Variants in GRIK2 observed in about 807,000 individuals in gnomAD.
The protein encoded by GRIK2 is glutamate ionotropic receptor kainate type subunit 2, also known as glutamate receptor ionotropic, kainate 2.
GRIK2 carries 32 observed loss-of-function variants against 100.3 expected under a neutral mutation model. That is an observed-to-expected ratio of 0.32 (90% CI 0.24 to 0.43). The LOEUF is 0.43. GRIK2 is among the 20% of genes least tolerant of loss of function. The pLI is 1.00. For missense variants in GRIK2, 843 were observed against 1,114.9 expected, an observed-to-expected ratio of 0.76 and a Z score of 3.47; for synonymous variants, 417 against 389.4, an observed-to-expected ratio of 1.07 and a Z score of -0.83.
At chr6:101,755,448 T>C (rs1263326884) in intron 7 of GRIK2, among the ~76,000 whole-genome samples, 2 of 152,156 alleles carry the variant, frequency 1.3e-5, no homozygotes, top group East Asian at 3.9e-4. Context: ...ATTATAGGCA[T>C]GAGCCACCGT....
chr6:101,595,688 G>A (rs1582793442), intron 2 of GRIK2, among the ~76,000 whole-genome samples: 3 of 130,840 alleles, frequency 2.3e-5, no homozygotes, highest in African/African-American at 5.9e-5. Context: ...ATTTGTGCAT[G>A]TATATATATA....
intron 7 of GRIK2, among the ~76,000 whole-genome samples, chr6:101,754,715 A>G (rs1020390249): frequency 6.6e-6 from 1 of 152,212 alleles, no homozygotes; most frequent in African/African-American, 2.4e-5. Context: ...CTGGATGATC[A>G]GGGAGGTGCA....
chr6:102,064,556 T>G (rs2114534166), intron 16 of GRIK2, among the ~76,000 whole-genome samples: 1 of 150,986 alleles, frequency 6.6e-6, no homozygotes, highest in South Asian at 2.1e-4. Flanking sequence ...TTTTGAGACT[T>G]ATTTCATAGT....
intron 7 of GRIK2, among the ~76,000 whole-genome samples, chr6:101,738,266 C>CAATTGTAATTGTAATTGTCAATTGT (rs1335025167): frequency 7.2e-6 from 1 of 137,978 alleles, no homozygotes; most frequent in Non-Finnish European, 1.5e-5. Flanking sequence ...TGTCAAATGT[C>CAATTGTAATTGTAATTGTCAATTGT]AATTGTAATT....
At chr6:101,474,824 A>C (rs1432820258) in intron 2 of GRIK2, among the ~76,000 whole-genome samples, 2 of 151,894 alleles carry the variant, frequency 1.3e-5, no homozygotes, top group South Asian at 4.1e-4. Context: ...ATTTGATTAC[A>C]TACCATAGTT....
intron 2 of GRIK2, among the ~76,000 whole-genome samples, chr6:101,612,240 A>G (rs1440740122): frequency 6.6e-6 from 1 of 152,002 alleles, no homozygotes; most frequent in Non-Finnish European, 1.5e-5. Flanking sequence ...TGGACTAAGA[A>G]TTAATCTACC....
intron 7 of GRIK2, among the ~76,000 whole-genome samples, chr6:101,696,895 CA>C (rs1331500665): frequency 6.6e-6 from 1 of 151,932 alleles, no homozygotes; most frequent in Non-Finnish European, 1.5e-5. Flanking sequence ...TTTTTTGCTT[CA>C]TTTTTAACCT....
intron 2 of GRIK2, among the ~76,000 whole-genome samples, chr6:101,481,855 A>G (rs968881839): frequency 1.3e-5 from 2 of 152,110 alleles, no homozygotes; most frequent in African/African-American, 4.8e-5. Flanking sequence ...TCATAGAGGC[A>G]GTTTCCCCCA....
At chr6:101,432,477 T>A (rs1238710656) in intron 2 of GRIK2, among the ~76,000 whole-genome samples, 2 of 152,230 alleles carry the variant, frequency 1.3e-5, no homozygotes, top group Non-Finnish European at 2.9e-5. Context: ...CCAATGACAA[T>A]CCACTAAGTA....
rs1780440713 is a variant in GRIK2 at position 101,626,374 on chromosome 6, C to A, written c.284-6C>A. On this transcript the variant is annotated splice_polypyrimidine_tract_variant and splice_region_variant and intron_variant, in intron 3 of 16. Coordinates refer to ENST00000369134, the MANE Select transcript of GRIK2 (RefSeq NM_021956.5). ...CATTATTGACAGACCTTTATCTCCT[C>A]TTCAGCCTGTGATCAGCTGTCTCTT... The A allele has an allele frequency of 1.2e-6, 2 of 1,609,592 alleles. No homozygotes were observed. The highest frequency in any genetic ancestry group is 2.2e-5 in the South Asian group (2 of 90,834).
At chr6:101,876,920 A>ATC (rs956512839) in intron 11 of GRIK2, among the ~76,000 whole-genome samples, 1 of 151,916 alleles carries the variant, frequency 6.6e-6, no homozygotes, top group African/African-American at 2.4e-5. Context: ...ATTCCCCTAC[A>ATC]TCTCTATACA....
At chr6:101,736,876 T>C (rs1178434031) in intron 7 of GRIK2, among the ~76,000 whole-genome samples, 1 of 152,220 alleles carries the variant, frequency 6.6e-6, no homozygotes, top group African/African-American at 2.4e-5. Flanking sequence ...TTTTCAGACT[T>C]TTATGCTCTG....
intron 10 of GRIK2, among the ~76,000 whole-genome samples, chr6:101,838,698 C>T (rs1783304818): frequency 6.7e-6 from 1 of 149,806 alleles, no homozygotes; most frequent in Admixed American, 6.6e-5. Flanking sequence ...GTTGCCCAGG[C>T]TGGAGTGCAA....
At chr6:101,457,049 TA>T (rs1771047620) in intron 2 of GRIK2, among the ~76,000 whole-genome samples, 2 of 152,152 alleles carry the variant, frequency 1.3e-5, no homozygotes, top group South Asian at 4.1e-4. Context: ...TAAACAATTC[TA>T]AAAGGAACAC....
chr6:101,549,369 C>G (rs1028736519), intron 2 of GRIK2, among the ~76,000 whole-genome samples: 1 of 151,158 alleles, frequency 6.6e-6, no homozygotes, highest in Non-Finnish European at 1.5e-5. Flanking sequence ...TTCACGGAGA[C>G]AGATGCTTGA....
rs186899099 is a variant in GRIK2 at position 101,918,098 on chromosome 6, C to A, written c.1749-6503C>A. Among the ~76,000 whole-genome samples the A allele has an allele frequency of 6.6e-5, 10 of 151,614 alleles. No homozygotes were observed. The East Asian group carries it at 1.2e-3, about 18-fold the overall frequency. ...AAAGCAATTAAGTAGAACAAAAAAA[C>A]CAGAATATTACCGTTAACTGCTGTT... is the stretch of plus-strand genomic sequence containing the variant. On this transcript the variant is annotated intron_variant, in intron 12 of 16. Coordinates refer to ENST00000369134, the MANE Select transcript of GRIK2 (RefSeq NM_021956.5).
chr6:101,973,386 A>G (rs1793176594), intron 14 of GRIK2, among the ~76,000 whole-genome samples: 1 of 151,900 alleles, frequency 6.6e-6, no homozygotes, highest in Admixed American at 6.6e-5. Context: ...AAGTATGCGT[A>G]ATAAACATTC....
intron 14 of GRIK2, among the ~76,000 whole-genome samples, chr6:102,004,710 C>T (rs969057549): frequency 3.3e-5 from 5 of 151,830 alleles, no homozygotes; most frequent in Middle Eastern, 3.2e-3. Flanking sequence ...TCTCACTTCT[C>T]GATACAAAGA....
intron 7 of GRIK2, among the ~76,000 whole-genome samples, chr6:101,791,380 T>A (rs1044445731): frequency 6.6e-6 from 1 of 152,206 alleles, no homozygotes; most frequent in African/African-American, 2.4e-5. Flanking sequence ...CTGCTTTGAA[T>A]GTGTCCCAGC....
Sources: gnomAD v4.1 joint callset for allele counts (sites outside exome capture counted in the v4.1 genomes callset) on GRCh38, gnomAD v4.1.1 for gene constraint, MANE v1.5 for transcripts, NCBI Gene and HGNC (gene_info 2026-07-23, HGNC 2026-07-21) for gene names.